Variants in RSRC1 observed in about 807,000 individuals in gnomAD.
RSRC1 encodes the protein arginine and serine rich coiled-coil 1.
A neutral mutation model predicts 49.1 loss-of-function variants in RSRC1; 39 were observed. The observed-to-expected ratio is 0.79, with a 90% CI of 0.61 to 1.04. The LOEUF is 1.04. Ranked by LOEUF, RSRC1 falls within the 50% of genes least tolerant of loss-of-function variation. The pLI, the probability that RSRC1 is intolerant of heterozygous loss-of-function variation, is 0.00. For missense variants in RSRC1, 388 were observed against 402.4 expected, an observed-to-expected ratio of 0.96 and a Z score of 0.31; for synonymous variants, 143 against 130.8, an observed-to-expected ratio of 1.09 and a Z score of -0.63.
chr3:158,231,710 T>C (rs1453149345), intron 4 of RSRC1, among the ~76,000 whole-genome samples: 1 of 152,152 alleles, frequency 6.6e-6, no homozygotes, highest in Non-Finnish European at 1.5e-5. Flanking sequence ...TATTATTTCT[T>C]TTGAGTCAGA....
At chr3:158,341,875 A>C (rs1447433302) in intron 5 of RSRC1, among the ~76,000 whole-genome samples, 1 of 152,160 alleles carries the variant, frequency 6.6e-6, no homozygotes, top group East Asian at 1.9e-4. Context: ...ATGGGAACCC[A>C]CCTCTTGCAT....
chr3:158,379,192 CTTTTTTT>C (rs768767131), intron 6 of RSRC1, among the ~76,000 whole-genome samples: 3 of 93,920 alleles, frequency 3.2e-5, no homozygotes, highest in South Asian at 4.2e-4. Context: ...AGAAATACCA[CTTTTTTT>C]TTTTTTTTTT....
At chr3:158,402,749 G>T (rs1297626998) in intron 6 of RSRC1, among the ~76,000 whole-genome samples, 1 of 151,774 alleles carries the variant, frequency 6.6e-6, no homozygotes, top group Non-Finnish European at 1.5e-5. Flanking sequence ...TTTGTCATTT[G>T]CTGACTCATA....
intron 5 of RSRC1, among the ~76,000 whole-genome samples, chr3:158,306,070 T>G (rs1727822212): frequency 6.6e-6 from 1 of 151,986 alleles, no homozygotes; most frequent in African/African-American, 2.4e-5. Flanking sequence ...CTTTATCTTT[T>G]TATATCCTTA....
intron 3 of RSRC1, among the ~76,000 whole-genome samples, chr3:158,199,307 G>A (rs755181413): frequency 7.2e-5 from 11 of 151,932 alleles, no homozygotes; most frequent in Non-Finnish European, 1.0e-4. Flanking sequence ...TATCAGCAGC[G>A]TGAAAATGGA....
chr3:158,304,666 T>G (rs1474062626), intron 5 of RSRC1, among the ~76,000 whole-genome samples: 1 of 152,160 alleles, frequency 6.6e-6, no homozygotes, highest in African/African-American at 2.4e-5. Flanking sequence ...CATGTCACCC[T>G]TTAAGGATGT....
intron 6 of RSRC1, among the ~76,000 whole-genome samples, chr3:158,434,549 C>T (rs1185891860): frequency 6.6e-6 from 1 of 151,864 alleles, no homozygotes; most frequent in Non-Finnish European, 1.5e-5. Flanking sequence ...TCTGTCATTC[C>T]ATTTGTTAAC....
At chr3:158,303,444 G>C (rs1352701138) in intron 5 of RSRC1, 1 of 152,160 alleles carries the variant, frequency 6.6e-6, no homozygotes, top group Non-Finnish European at 1.5e-5. Flanking sequence ...TGTACAGGGT[G>C]ATCTGGGGCA....
intron 7 of RSRC1, among the ~76,000 whole-genome samples, chr3:158,462,740 AATTTCTTAAGTAACTATAG>A (rs56099411): frequency 0.19 from 28,476 of 151,940 alleles, 3,043 homozygotes; most frequent in South Asian, 0.28. Flanking sequence ...TTTGCTTAAG[AATTTCTTAAGTAACTATAG>A]ATACTTGAAC....
At chr3:158,293,305 T>TAC (rs1246991941) in intron 4 of RSRC1, among the ~76,000 whole-genome samples, 1 of 152,104 alleles carries the variant, frequency 6.6e-6, no homozygotes, top group Non-Finnish European at 1.5e-5. Context: ...TGTACGTACG[T>TAC]ACATATGTAT....
chr3:158,183,611 A>G (rs1034769952), intron 3 of RSRC1, among the ~76,000 whole-genome samples: 2 of 152,220 alleles, frequency 1.3e-5, no homozygotes, highest in South Asian at 4.1e-4. Context: ...GTAAGTTTGA[A>G]TATGAGCCTA....
intron 6 of RSRC1, among the ~76,000 whole-genome samples, chr3:158,420,217 A>C (rs1389959880): frequency 1.3e-5 from 2 of 152,010 alleles, no homozygotes; most frequent in Non-Finnish European, 2.9e-5. Flanking sequence ...CTGGTAAGTA[A>C]AGATAGGTAA....
intron 7 of RSRC1, among the ~76,000 whole-genome samples, chr3:158,533,999 T>G (rs1712573909): frequency 6.6e-6 from 1 of 151,672 alleles, no homozygotes; most frequent in Admixed American, 6.6e-5. Flanking sequence ...CATGTGGGAC[T>G]ATTTACTCTT....
intron 6 of RSRC1, among the ~76,000 whole-genome samples, chr3:158,400,527 G>C (rs1026367506): frequency 6.6e-6 from 1 of 152,052 alleles, no homozygotes; most frequent in African/African-American, 2.4e-5. Flanking sequence ...TTATTACCCT[G>C]AAGACCTTCC....
chr3:158,408,437 A>G (rs980538851), intron 6 of RSRC1, among the ~76,000 whole-genome samples: 25 of 152,212 alleles, frequency 1.6e-4, no homozygotes, highest in Non-Finnish European at 5.9e-5. Context: ...ATAGTCTGAT[A>G]ATTTGCTATC....
chr3:158,435,386 T>TA (rs1463585588), intron 6 of RSRC1, among the ~76,000 whole-genome samples: 3 of 151,740 alleles, frequency 2.0e-5, no homozygotes, highest in Non-Finnish European at 4.4e-5. Context: ...GTACCTAATG[T>TA]AAAAAAATAG....
intron 3 of RSRC1, among the ~76,000 whole-genome samples, chr3:158,153,930 A>C (rs146757567): frequency 5.3e-5 from 8 of 152,190 alleles, no homozygotes; most frequent in Admixed American, 5.2e-4. Context: ...ACTGGGATAC[A>C]TGTATGCAAA....
chr3:158,211,641 G>A (rs2108288874), intron 4 of RSRC1, among the ~76,000 whole-genome samples: 1 of 152,060 alleles, frequency 6.6e-6, no homozygotes, highest in East Asian at 1.9e-4. Context: ...ATACCCGGTA[G>A]TCTTTTTTGA....
chr3:158,411,680 GC>G (rs1350739580), intron 6 of RSRC1, among the ~76,000 whole-genome samples: 37 of 151,874 alleles, frequency 2.4e-4, no homozygotes, highest in Non-Finnish European at 4.7e-4. Flanking sequence ...ACCACACCTG[GC>G]AGCATTTTAA....
Sources: gnomAD v4.1 joint callset for allele counts (sites outside exome capture counted in the v4.1 genomes callset) on GRCh38, gnomAD v4.1.1 for gene constraint, MANE v1.5 for transcripts, NCBI Gene and HGNC (gene_info 2026-07-23, HGNC 2026-07-21) for gene names.